Variants in MYOM2 observed in about 807,000 individuals in gnomAD.
The protein encoded by MYOM2 is myomesin 2, also known as myomesin-2.
MYOM2 carries 254 observed loss-of-function variants against 187.6 expected under a neutral mutation model. The observed-to-expected ratio is 1.35, with a 90% CI of 1.22 to 1.50. The LOEUF (loss-of-function observed/expected upper bound fraction) is 1.50. Ranked by LOEUF, MYOM2 falls within the 40% of genes most tolerant of loss-of-function variation. The pLI is 0.00. For synonymous variants in MYOM2, 981 were observed against 753.8 expected, an observed-to-expected ratio of 1.30 and a Z score of -4.94; for missense variants, 2,796 against 1,924.0, an observed-to-expected ratio of 1.45 and a Z score of -8.48.
rs1376883735 is a variant in MYOM2 at position 2,052,250 on chromosome 8, T to A, written c.200T>A (p.Ile67Asn). 1 of 1,613,018 alleles carries A rather than the reference T, an allele frequency of 6.2e-7. No individual in the cohort carries two copies. Among genetic ancestry groups the A allele is most frequent in the African/African-American group, 1.3e-5 (1 of 74,910 alleles). The stretch of plus-strand genomic sequence containing the variant: ...AGCCAGACGTCCCTGGGAGGAACCA[T>A]CTGCAGGGTCTGTGCGAAGCGAGTG... ...ASSQTSLGGT[I>N]CRVCAKRVST... Residue 67 changes from isoleucine (I) to asparagine (N), a missense_variant, in exon 3 of 37, where the codon ATC (isoleucine) becomes AAC (asparagine). Physicochemically the swap from Ile to Asn is moderately radical, Grantham distance 149 (BLOSUM62 -3). Transcript: ENST00000262113.
chr8:2,127,827 C>G (rs117305676), intron 31 of MYOM2: 2,560 of 151,336 alleles, frequency 0.017, 61 homozygotes, highest in African/African-American at 0.02. Context: ...CGCACACCAT[C>G]TCTTCGTTCT....
intron 20 of MYOM2, among the ~76,000 whole-genome samples, chr8:2,101,833 A>G (rs1379950198): frequency 6.6e-6 from 1 of 152,216 alleles, no homozygotes; most frequent in East Asian, 1.9e-4. Context: ...CACAGTTTTC[A>G]TACATGGAGC....
intron 5 of MYOM2, among the ~76,000 whole-genome samples, chr8:2,058,045 G>A (rs1818733161): frequency 8.7e-6 from 1 of 115,024 alleles, no homozygotes; most frequent in African/African-American, 3.5e-5. Flanking sequence ...TTGAGATGGA[G>A]TCTCGCTCTG....
At chr8:2,045,747 T>C (rs1031096615) in intron 1 of MYOM2, among the ~76,000 whole-genome samples, 5 of 152,226 alleles carry the variant, frequency 3.3e-5, no homozygotes, top group Admixed American at 2.0e-4. Flanking sequence ...TTGGGTGTGT[T>C]GTGACCCTTC....
At chr8:2,124,012 AG>A in intron 30 of MYOM2, among the ~76,000 whole-genome samples, 166 bp from the exon 31 acceptor site, 1 of 152,362 alleles carries the variant, frequency 6.6e-6, no homozygotes, top group South Asian at 2.1e-4. Context: ...ATAGGTTAGA[AG>A]GATTTATCGC....
chr8:2,123,774 A>G (rs1420370405), intron 30 of MYOM2, 132 bp downstream of exon 30: 2 of 747,426 alleles, frequency 2.7e-6, no homozygotes, highest in Non-Finnish European at 4.4e-6. Flanking sequence ...AACACTGTAG[A>G]AAAAAACTAT....
intron 1 of MYOM2, among the ~76,000 whole-genome samples, chr8:2,046,820 GA>G (rs1363119188): frequency 6.6e-6 from 1 of 151,402 alleles, no homozygotes; most frequent in African/African-American, 2.4e-5. Context: ...CCTTAAAAAG[GA>G]AAACAGCTTT....
At chr8:2,121,958 G>C (rs1386061589) in intron 28 of MYOM2, among the ~76,000 whole-genome samples, 1 of 152,170 alleles carries the variant, frequency 6.6e-6, no homozygotes, top group Non-Finnish European at 1.5e-5. Flanking sequence ...AAACAAATGA[G>C]TTATTTTGGG....
intron 28 of MYOM2, among the ~76,000 whole-genome samples, chr8:2,121,282 TTTG>T (rs1485407944): frequency 1.3e-5 from 2 of 152,100 alleles, no homozygotes; most frequent in Non-Finnish European, 2.9e-5. Flanking sequence ...GTTTATTCTT[TTTG>T]TTGTTGTTGG....
At chr8:2,045,563 G>C (rs1818284840) in intron 1 of MYOM2, among the ~76,000 whole-genome samples, 1 of 152,216 alleles carries the variant, frequency 6.6e-6, no homozygotes, top group Non-Finnish European at 1.5e-5. Flanking sequence ...ACTTATAAAG[G>C]TGTGAAATAA....
intron 21 of MYOM2, among the ~76,000 whole-genome samples, chr8:2,104,423 A>C (rs1036598319): frequency 9.9e-5 from 15 of 152,166 alleles, no homozygotes; most frequent in African/African-American, 3.4e-4. Context: ...TAACACAGTG[A>C]AACCCCGTCT....
At chr8:2,059,019 C>G in intron 5 of MYOM2, 134 bp from the exon 6 acceptor site, 2 of 692,842 alleles carry the variant, frequency 2.9e-6, no homozygotes, top group Non-Finnish European at 5.0e-6. Flanking sequence ...CGTCAGGGCT[C>G]TGTCCTCCTC....
chr8:2,092,849 T>C (rs1244152575), intron 16 of MYOM2, among the ~76,000 whole-genome samples: 1 of 152,260 alleles, frequency 6.6e-6, no homozygotes, highest in Non-Finnish European at 1.5e-5. Context: ...GAAAGTCGTT[T>C]TATTTTTTTC....
rs536690360 is a variant in MYOM2, at chr8:2,069,824, T to G, written c.793+327T>G. ...TTTTTAGACTGGTGAAAACATCACT[T>G]GGAGAGACTTTACGTTTTTGAACTG... On this transcript the variant is annotated intron_variant, in intron 8 of 36. Transcript: ENST00000262113. Among the ~76,000 whole-genome samples the G allele has an allele frequency of 2.6e-5, 4 of 152,390 alleles. No individual in the cohort carries two copies. In the South Asian group the frequency reaches 8.3e-4, roughly 32 times the overall value.
chr8:2,078,003 A>G (rs79098331), intron 11 of MYOM2, among the ~76,000 whole-genome samples: 2 of 152,138 alleles, frequency 1.3e-5, no homozygotes, highest in African/African-American at 4.8e-5. Flanking sequence ...TTCCCAGATG[A>G]AGGCACCACT....
At chr8:2,048,706 G>T (rs1172134552) in intron 1 of MYOM2, among the ~76,000 whole-genome samples, 4 of 152,118 alleles carry the variant, frequency 2.6e-5, no homozygotes, top group Non-Finnish European at 5.9e-5. Context: ...CTTGACCTCT[G>T]CACTATGATA....
At chr8:2,055,476 T>G (rs1170654525) in intron 3 of MYOM2, among the ~76,000 whole-genome samples, 2 of 152,226 alleles carry the variant, frequency 1.3e-5, no homozygotes, top group Middle Eastern at 6.8e-3. Flanking sequence ...AACAGACTGT[T>G]CCCTAAACAT....
chr8:2,130,186 G>A (rs1477307954), intron 32 of MYOM2, among the ~76,000 whole-genome samples: 1 of 135,640 alleles, frequency 7.4e-6, no homozygotes, highest in Non-Finnish European at 1.5e-5. Context: ...CTCTACCCAG[G>A]GCGCCCACAC....
intron 6 of MYOM2, among the ~76,000 whole-genome samples, chr8:2,060,867 G>T (rs35456145): frequency 0.26 from 38,958 of 152,016 alleles, 5,826 homozygotes; most frequent in Non-Finnish European, 0.32. Flanking sequence ...TCTTGCTCTG[G>T]GGGAGAGAAA....
Sources: allele counts gnomAD v4.1 joint callset (sites outside exome capture counted in the v4.1 genomes callset), GRCh38; gene constraint gnomAD v4.1.1; transcripts MANE v1.5; gene names NCBI Gene and HGNC (gene_info 2026-07-23, HGNC 2026-07-21).